Variants in PHLDB2 observed in about 807,000 individuals in gnomAD.
PHLDB2 encodes pleckstrin homology-like domain family B member 2.
PHLDB2 carries 71 observed loss-of-function variants against 123.6 expected under a neutral mutation model. The observed-to-expected ratio is 0.57, with a 90% CI of 0.47 to 0.70. The LOEUF (loss-of-function observed/expected upper bound fraction) is 0.70, where lower values mean the gene tolerates loss of function less well. Among genes scored for constraint, PHLDB2 ranks in the 30% least tolerant of loss-of-function variants. PHLDB2 has a pLI of 0.00. For synonymous variants in PHLDB2, 547 were observed against 541.6 expected, an observed-to-expected ratio of 1.01 and a Z score of -0.14; for missense variants, 1,446 against 1,519.5, an observed-to-expected ratio of 0.95 and a Z score of 0.80.
intron 3 of PHLDB2, chr3:111,914,700 A>G (rs2068068518): frequency 6.6e-6 from 1 of 152,116 alleles, no homozygotes; most frequent in Admixed American, 6.5e-5. Context: ...GCCTTTTATC[A>G]TAACTAGTCT....
chr3:111,790,929 T>C (rs2060891428), intron 1 of PHLDB2, among the ~76,000 whole-genome samples: 1 of 152,192 alleles, frequency 6.6e-6, no homozygotes, highest in African/African-American at 2.4e-5. Flanking sequence ...TATGTATTCA[T>C]TTTATAAAAA....
intron 1 of PHLDB2, among the ~76,000 whole-genome samples, chr3:111,761,272 G>A (rs1269750601): frequency 6.6e-6 from 1 of 151,920 alleles, no homozygotes; most frequent in African/African-American, 2.4e-5. Context: ...GAACTACAGT[G>A]TTATTCAATT....
At chr3:111,778,516 A>G (rs1347487972) in intron 1 of PHLDB2, 2 of 151,954 alleles carry the variant, frequency 1.3e-5, no homozygotes, top group Non-Finnish European at 2.9e-5. Flanking sequence ...TGCATTATGA[A>G]TCCCCCGCAT....
intron 1 of PHLDB2, among the ~76,000 whole-genome samples, chr3:111,865,903 G>A (rs537498953): frequency 3.8e-4 from 58 of 150,782 alleles, no homozygotes; most frequent in Non-Finnish European, 6.6e-4. Context: ...GAAAAATTAA[G>A]TGTTTTATAA....
rs564380811 is a variant in PHLDB2 at position 111,908,946 on chromosome 3, C to T, written c.1336-4373C>T. 2.6e-5 allele frequency among the ~76,000 whole-genome samples: 4 copies of T among 152,306 alleles called. No individual in the cohort carries two copies. In the South Asian group the frequency reaches 8.3e-4, roughly 32 times the overall value. On this transcript the variant is annotated intron_variant, in intron 2 of 17. Transcript: ENST00000431670. ...TGACTCTTGTGGTTTCCAAAACTTA[C>T]TTTAGGGCTGTTGTAATCCCTAAGA...
intron 1 of PHLDB2, among the ~76,000 whole-genome samples, chr3:111,759,140 T>C (rs527588242): frequency 2.6e-5 from 4 of 152,200 alleles, no homozygotes; most frequent in Admixed American, 6.5e-5. Context: ...TTTCAATGAT[T>C]GTCTTAGTCC....
chr3:111,732,497 T>C (rs893297464), exon 1 of PHLDB2: 2 of 892,032 alleles, frequency 2.2e-6, no homozygotes, highest in South Asian at 2.9e-5. Context: ...TTGCTGCCTG[T>C]GACCACAGTC....
chr3:111,738,989 C>A (rs999082157), intron 1 of PHLDB2, among the ~76,000 whole-genome samples: 3 of 152,128 alleles, frequency 2.0e-5, no homozygotes, highest in Non-Finnish European at 4.4e-5. Flanking sequence ...CAAGTCACTT[C>A]GGCTTTCGTG....
chr3:111,752,506 G>A (rs530287146), intron 1 of PHLDB2, among the ~76,000 whole-genome samples: 12 of 151,400 alleles, frequency 7.9e-5, no homozygotes, highest in Non-Finnish European at 1.6e-4. Context: ...GTTTTCATTC[G>A]CTTATTTTCT....
At chr3:111,874,682 A>G (rs1446952999) in intron 1 of PHLDB2, among the ~76,000 whole-genome samples, 1 of 152,210 alleles carries the variant, frequency 6.6e-6, no homozygotes, top group Non-Finnish European at 1.5e-5. Context: ...AAAGCAAGGG[A>G]CATAGCCACA....
At chr3:111,840,743 C>T (rs1340823755) in intron 1 of PHLDB2, among the ~76,000 whole-genome samples, 3 of 152,116 alleles carry the variant, frequency 2.0e-5, no homozygotes, top group African/African-American at 7.2e-5. Context: ...ATCAATTAGA[C>T]GAACCTACTC....
chr3:111,960,545 A>G (rs1406534942), intron 12 of PHLDB2, among the ~76,000 whole-genome samples: 6 of 152,228 alleles, frequency 3.9e-5, no homozygotes, highest in Non-Finnish European at 7.3e-5. Context: ...TTGACATACA[A>G]TGCTTTGTTA....
chr3:111,901,894 T>G (rs1352573739), intron 2 of PHLDB2, among the ~76,000 whole-genome samples: 1 of 152,196 alleles, frequency 6.6e-6, no homozygotes, highest in Non-Finnish European at 1.5e-5. Context: ...TCACATGAAT[T>G]TCTTTGACTT....
intron 1 of PHLDB2, among the ~76,000 whole-genome samples, chr3:111,877,580 A>T (rs552519115): frequency 6.6e-6 from 1 of 152,178 alleles, no homozygotes; most frequent in Non-Finnish European, 1.5e-5. Context: ...ATCATATCCC[A>T]TTTGTCAATT....
chr3:111,776,391 A>G (rs1337780474), intron 1 of PHLDB2, among the ~76,000 whole-genome samples: 1 of 152,088 alleles, frequency 6.6e-6, no homozygotes, highest in Non-Finnish European at 1.5e-5. Context: ...AATGTAACCT[A>G]TTTTCAAAGT....
At chr3:111,762,984 G>T (rs370524865) in intron 1 of PHLDB2, among the ~76,000 whole-genome samples, 65 of 152,260 alleles carry the variant, frequency 4.3e-4, no homozygotes, top group South Asian at 2.1e-3. Flanking sequence ...TGCCTGTTTG[G>T]TGCAGGGTAT....
At chr3:111,736,687 G>A (rs1477404359) in intron 1 of PHLDB2, among the ~76,000 whole-genome samples, 2 of 152,150 alleles carry the variant, frequency 1.3e-5, no homozygotes, top group African/African-American at 2.4e-5. Context: ...CTCAGGCAGA[G>A]ACCACTCAAA....
intron 1 of PHLDB2, among the ~76,000 whole-genome samples, chr3:111,880,148 A>C (rs1464090679): frequency 2.0e-5 from 3 of 151,996 alleles, no homozygotes; most frequent in African/African-American, 7.3e-5. Flanking sequence ...CCTTTTCTAT[A>C]ACAATGATGG....
chr3:111,747,982 G>A (rs1185920820), intron 1 of PHLDB2, among the ~76,000 whole-genome samples: 1 of 152,174 alleles, frequency 6.6e-6, no homozygotes, highest in Non-Finnish European at 1.5e-5. Context: ...TACAGAGCTG[G>A]GATTAACCCA....
Sources: gnomAD v4.1 joint callset for allele counts (sites outside exome capture counted in the v4.1 genomes callset) on GRCh38, gnomAD v4.1.1 for gene constraint, MANE v1.5 for transcripts, NCBI Gene and HGNC (gene_info 2026-07-23, HGNC 2026-07-21) for gene names.